BTAF1: variants seen among roughly 807,000 people sequenced by gnomAD.
BTAF1 encodes the protein B-TFIID TATA-box binding protein associated factor 1, also known as TATA-binding protein-associated factor 172.
Under a neutral mutation model 227.1 loss-of-function variants are expected in BTAF1, and 38 were observed. That is an observed-to-expected ratio of 0.17 (90% CI 0.13 to 0.22). BTAF1 has a LOEUF of 0.22. BTAF1 is among the 10% of genes least tolerant of loss of function. BTAF1 has a pLI of 1.00. For synonymous variants in BTAF1, 742 were observed against 751.9 expected (o/e 0.99, Z 0.21); for missense variants, 1,598 against 2,204.0 (o/e 0.73, Z 5.51).
At chr10:91,944,381 T>G (rs1408629724) in intron 4 of BTAF1, among the ~76,000 whole-genome samples, 6 of 152,192 alleles carry the variant, frequency 3.9e-5, no homozygotes, top group Admixed American at 6.5e-5. Flanking sequence ...TGGTCTGGGT[T>G]TCCTTTGCAG....
At chr10:91,974,484 CCTT>C (rs1450896079) in intron 14 of BTAF1, among the ~76,000 whole-genome samples, 1 of 152,100 alleles carries the variant, frequency 6.6e-6, no homozygotes, top group African/African-American at 2.4e-5. Flanking sequence ...AATCAGTGTG[CCTT>C]CTTCTGTGAT....
Position 92,030,109 on chromosome 10 carries a change from A to G in BTAF1, c.*1176A>G, listed in dbSNP as rs990640889. The G allele has an allele frequency of 1.3e-5, 2 of 152,578 alleles. No individual in the cohort carries two copies. Among genetic ancestry groups the G allele is most frequent in the Non-Finnish European group, 2.9e-5 (2 of 67,964 alleles). The allele number at this position is 152,578 out of a possible 1,614,324, so 9.5% of individuals were successfully genotyped here. A position where few individuals can be genotyped will look rare whatever the true frequency, so the allele number is the denominator to read the frequency against. On this transcript the variant is annotated 3_prime_UTR_variant, in exon 38 of 38. Transcript: ENST00000265990. The stretch of plus-strand genomic sequence containing the variant: ...ATATTTGTATATATATGTACAGGTA[A>G]TAAACATCCCCAAGGTTTGTGGCTG...
chr10:91,957,495 ATTGT>A (rs1182783128), intron 8 of BTAF1, among the ~76,000 whole-genome samples: 1 of 152,210 alleles, frequency 6.6e-6, no homozygotes, highest in Admixed American at 6.5e-5. Flanking sequence ...TCTTTAGTGA[ATTGT>A]TTATTTCTTT....
chr10:91,946,299 C>T (rs1241185859), intron 4 of BTAF1, among the ~76,000 whole-genome samples: 3 of 152,100 alleles, frequency 2.0e-5, no homozygotes, highest in Non-Finnish European at 4.4e-5. Context: ...GCAGAGATTG[C>T]GGTGACCCAA....
intron 3 of BTAF1, among the ~76,000 whole-genome samples, chr10:91,940,479 G>C (rs1253615216): frequency 6.6e-6 from 1 of 151,838 alleles, no homozygotes; most frequent in East Asian, 1.9e-4. Context: ...GTGAAGTCTT[G>C]TTTTTTATGT....
At chr10:91,998,543 A>T (rs1352044811) in intron 25 of BTAF1, among the ~76,000 whole-genome samples, 1 of 152,230 alleles carries the variant, frequency 6.6e-6, no homozygotes, top group Non-Finnish European at 1.5e-5. Context: ...GGCACAAATA[A>T]TGTGTGGCCA....
intron 36 of BTAF1, 45 bp from the exon 37 acceptor site, chr10:92,027,085 A>G (rs1851563267): frequency 6.4e-7 from 1 of 1,564,264 alleles, no homozygotes; most frequent in South Asian, 1.2e-5. Flanking sequence ...TGGAACCTCA[A>G]AGCATAATAT....
Position 92,011,322 on chromosome 10 carries a change from C to A in BTAF1, c.4218C>A (p.Gly1406=). The A allele has an allele frequency of 1.3e-6, 2 of 1,487,334 alleles. No individual in the cohort carries two copies. The highest frequency in any genetic ancestry group is 1.8e-6 in the Non-Finnish European group (2 of 1,118,062). The allele number at this position is 1,487,334 out of a possible 1,614,324, so 92.1% of individuals were successfully genotyped here. The change falls in exon 30 of 38, where the codon GGC becomes GGA. Residue 1406 remains glycine, a synonymous_variant. Transcript: ENST00000265990. ...TTAACTACTGCATTCTTGATGAAGGCCATGTCATCAAAAATGGAAAAACAA... is the reference window on the plus strand; with the variant it reads ...TTAACTACTGCATTCTTGATGAAGGACATGTCATCAAAAATGGAAAAACAA... The part of the protein sequence containing the change: ...IKFNYCILDE[G]HVIKNGKTKL...
At chr10:92,024,573 T>C (rs1435829327) in intron 34 of BTAF1, among the ~76,000 whole-genome samples, 183 bp from the exon 35 acceptor site, 1 of 152,082 alleles carries the variant, frequency 6.6e-6, no homozygotes, top group African/African-American at 2.4e-5. Context: ...GCTCTAAGCC[T>C]GAGCACCTCA....
intron 6 of BTAF1, among the ~76,000 whole-genome samples, chr10:91,955,630 A>G (rs1294442973): frequency 6.6e-6 from 1 of 152,182 alleles, no homozygotes; most frequent in East Asian, 1.9e-4. Context: ...AGTCCTGTGA[A>G]TATCTAGGAA....
At chr10:92,019,120 C>T (rs1424804108) in intron 34 of BTAF1, among the ~76,000 whole-genome samples, 185 bp downstream of exon 34, 1 of 152,094 alleles carries the variant, frequency 6.6e-6, no homozygotes, top group South Asian at 2.1e-4. Context: ...GCCATTTTAA[C>T]CATTTTAAGT....
intron 22 of BTAF1, 95 bp from the exon 23 acceptor site, chr10:91,994,440 T>C: frequency 2.6e-6 from 2 of 760,386 alleles, no homozygotes; most frequent in South Asian, 4.1e-5. Context: ...CAAAATTGAC[T>C]CTCCTATGCT....
intron 34 of BTAF1, among the ~76,000 whole-genome samples, chr10:92,022,816 G>A (rs1034999972): frequency 8.5e-5 from 13 of 152,118 alleles, no homozygotes; most frequent in African/African-American, 1.2e-4. Context: ...TAATTTGATC[G>A]CAGATTTAAG....
intron 1 of BTAF1, among the ~76,000 whole-genome samples, chr10:91,927,264 G>C (rs1022885037): frequency 6.6e-6 from 1 of 151,554 alleles, no homozygotes; most frequent in Non-Finnish European, 1.5e-5. Context: ...TCAGCCTCCC[G>C]AGTAGCTGGG....
chr10:91,993,160 A>G (rs185241801), intron 21 of BTAF1, among the ~76,000 whole-genome samples: 45 of 152,324 alleles, frequency 3.0e-4, no homozygotes, highest in Admixed American at 1.0e-3. Context: ...TTTGATATTT[A>G]TATCTCTAGT....
At chr10:91,935,912 CAA>C in intron 2 of BTAF1, 132 bp downstream of exon 2, 1 of 875,474 alleles carries the variant, frequency 1.1e-6, no homozygotes, top group Non-Finnish European at 1.6e-6. Context: ...TTTCTGGTCA[CAA>C]GACTTAAACT....
chr10:91,994,314 T>A (rs978418707), intron 22 of BTAF1, among the ~76,000 whole-genome samples: 1 of 151,054 alleles, frequency 6.6e-6, no homozygotes, highest in Non-Finnish European at 1.5e-5. Context: ...AAAAAAAAAA[T>A]TGTTTTTAAA....
chr10:92,022,059 GTAA>G (rs1851176179), intron 34 of BTAF1, among the ~76,000 whole-genome samples: 1 of 152,170 alleles, frequency 6.6e-6, no homozygotes, highest in Non-Finnish European at 1.5e-5. Flanking sequence ...CTAGAGTCTA[GTAA>G]TCAACTTTTC....
At chr10:91,942,001 C>T (rs986079201) in intron 3 of BTAF1, among the ~76,000 whole-genome samples, 1 of 152,182 alleles carries the variant, frequency 6.6e-6, no homozygotes, top group African/African-American at 2.4e-5. Flanking sequence ...TATCCGGGTA[C>T]AGTGGCTTAC....
Sources: gnomAD v4.1 joint callset for allele counts (sites outside exome capture counted in the v4.1 genomes callset) on GRCh38, gnomAD v4.1.1 for gene constraint, MANE v1.5 for transcripts, NCBI Gene and HGNC (gene_info 2026-07-23, HGNC 2026-07-21) for gene names.